LRRC20: variants seen among roughly 807,000 people sequenced by gnomAD.
The protein encoded by LRRC20 is leucine rich repeat containing 20.
Under a neutral mutation model 14.4 loss-of-function variants are expected in LRRC20, and 11 were observed. The ratio of observed to expected loss-of-function variants is 0.77; its 90% CI spans 0.48 to 1.27. LRRC20 has a LOEUF of 1.27. Ranked by LOEUF, LRRC20 falls within the 50% of genes most tolerant of loss-of-function variation. The probability of loss-of-function intolerance (pLI) is 0.00; values close to 1 mark genes in which losing one functional copy is unlikely to be tolerated. For synonymous variants in LRRC20, 121 were observed against 107.3 expected (o/e 1.13, Z -0.79); for missense variants, 219 against 251.2 (o/e 0.87, Z 0.87).
At chr10:70,367,616 A>T (rs1432677812) in intron 2 of LRRC20, among the ~76,000 whole-genome samples, 1 of 152,168 alleles carries the variant, frequency 6.6e-6, no homozygotes, top group Non-Finnish European at 1.5e-5. Flanking sequence ...TATTTACTCT[A>T]TCATTCCATT....
rs144905371 is a variant in LRRC20 at position 70,306,841 on chromosome 10, T to C, written c.401-5333A>G. ...TGATGGCTGCAAAATGATTTCCTAA[T>C]GTCAACAGTCCTCAGTATTCTACTT... On this transcript the variant is annotated intron_variant, in intron 4 of 4. Coordinates refer to ENST00000446961, the MANE Select transcript of LRRC20 (RefSeq NM_001278212.2). Among the ~76,000 whole-genome samples the C allele has an allele frequency of 2.3e-3, 353 of 152,368 alleles. 1 individual carries two copies. The highest frequency in any genetic ancestry group is 4.1e-3 in the South Asian group (20 of 4,830).
At chr10:70,356,855 C>G (rs999935254) in intron 2 of LRRC20, among the ~76,000 whole-genome samples, 9 of 151,218 alleles carry the variant, frequency 6.0e-5, no homozygotes, top group Admixed American at 5.9e-4. Context: ...CACCTCAAAA[C>G]AAAACAAAAC....
intron 1 of LRRC20, among the ~76,000 whole-genome samples, chr10:70,378,769 C>T (rs1015072711): frequency 3.9e-5 from 3 of 76,326 alleles, no homozygotes; most frequent in Non-Finnish European, 7.5e-5. Flanking sequence ...GTGAACCTCG[C>T]GCTCAAAAAA....
At chr10:70,345,342 A>C (rs1394629323) in intron 2 of LRRC20, among the ~76,000 whole-genome samples, 1 of 152,194 alleles carries the variant, frequency 6.6e-6, no homozygotes, top group East Asian at 1.9e-4. Flanking sequence ...TTACACGTTA[A>C]ATATTTTTAA....
chr10:70,335,935 A>G (rs553825480), intron 3 of LRRC20, among the ~76,000 whole-genome samples: 5 of 152,274 alleles, frequency 3.3e-5, no homozygotes, highest in Admixed American at 6.5e-5. Flanking sequence ...CTGACTTCCA[A>G]CACCTGGACA....
At chr10:70,356,571 T>G (rs561062583) in intron 2 of LRRC20, among the ~76,000 whole-genome samples, 1 of 151,038 alleles carries the variant, frequency 6.6e-6, no homozygotes, top group South Asian at 2.1e-4. Context: ...CTGTATGTAG[T>G]GCTGGGCAGA....
chr10:70,374,286 C>T (rs866075244), intron 2 of LRRC20, among the ~76,000 whole-genome samples: 6 of 152,006 alleles, frequency 3.9e-5, no homozygotes, highest in East Asian at 1.9e-4. Flanking sequence ...CCCTCCCCTG[C>T]GGCCTCTCCA....
intron 2 of LRRC20, among the ~76,000 whole-genome samples, chr10:70,342,668 T>C (rs545390458): frequency 4.9e-4 from 75 of 152,304 alleles, no homozygotes; most frequent in African/African-American, 1.7e-3. Context: ...GCCTAGAAGA[T>C]ACTTAGCAGG....
chr10:70,310,697 C>A (rs1841619380), intron 4 of LRRC20, among the ~76,000 whole-genome samples: 1 of 152,194 alleles, frequency 6.6e-6, no homozygotes. Context: ...GCTGAGACCA[C>A]CCTGAGCTGG....
chr10:70,381,032 C>T (rs1292064200), intron 1 of LRRC20, among the ~76,000 whole-genome samples: 1 of 152,160 alleles, frequency 6.6e-6, no homozygotes, highest in Non-Finnish European at 1.5e-5. Context: ...CAATGGGCTC[C>T]CAGATTACTG....
intron 3 of LRRC20, 120 bp from the exon 4 acceptor site, chr10:70,324,150 GC>G (rs1842221476): frequency 4.7e-6 from 4 of 849,390 alleles, no homozygotes; most frequent in Non-Finnish European, 7.5e-6. Context: ...GAAGCCCTAG[GC>G]CACAGAGGGA....
Position 70,323,781 on chromosome 10 carries a change from C to G in LRRC20, c.400+82G>C, listed in dbSNP as rs750104073. The G allele has an allele frequency of 7.6e-5, 112 of 1,479,162 alleles. 5 individuals are homozygous for G. In the South Asian group the frequency reaches 1.3e-3, roughly 17 times the overall value. 91.6% of individuals were successfully genotyped at this position (1,479,162 alleles called of 1,614,324 possible). ...AGAAAGCCCAAGCTTCTCCTCCCAC[C>G]TGTGAAGGTCGACTCCAGAGTCCTG... On this transcript the variant is annotated intron_variant, in intron 4 of 4. Transcript: ENST00000446961.
chr10:70,356,754 G>C (rs1436408561), intron 2 of LRRC20, among the ~76,000 whole-genome samples: 1 of 151,686 alleles, frequency 6.6e-6, no homozygotes, highest in Non-Finnish European at 1.5e-5. Context: ...AGGAGGCTGA[G>C]GCAGAAGAAT....
chr10:70,332,377 C>G (rs1250217007), intron 3 of LRRC20, among the ~76,000 whole-genome samples: 1 of 152,258 alleles, frequency 6.6e-6, no homozygotes, highest in Non-Finnish European at 1.5e-5. Context: ...GGTGCAGTGG[C>G]TCACGCCTGT....
At chr10:70,367,921 T>C (rs1364947886) in intron 2 of LRRC20, among the ~76,000 whole-genome samples, 1 of 151,710 alleles carries the variant, frequency 6.6e-6, no homozygotes, top group Non-Finnish European at 1.5e-5. Flanking sequence ...TCACAGATTC[T>C]ATTTTCACAG....
At chr10:70,306,457 T>TTC (rs1218033221) in intron 4 of LRRC20, among the ~76,000 whole-genome samples, 5 of 152,162 alleles carry the variant, frequency 3.3e-5, no homozygotes, top group African/African-American at 1.2e-4. Flanking sequence ...CACTGCCCCC[T>TTC]TCCCTTTTTA....
intron 2 of LRRC20, among the ~76,000 whole-genome samples, chr10:70,344,638 C>T (rs994441841): frequency 1.3e-5 from 2 of 152,212 alleles, no homozygotes; most frequent in Non-Finnish European, 2.9e-5. Context: ...ACGATCTCGG[C>T]TCACTGCAGC....
At chr10:70,329,754 G>A (rs1313286686) in intron 3 of LRRC20, among the ~76,000 whole-genome samples, 4 of 152,060 alleles carry the variant, frequency 2.6e-5, no homozygotes, top group East Asian at 3.9e-4. Flanking sequence ...TACTAGAGAC[G>A]GGGTTTCCCC....
At chr10:70,309,111 G>A (rs1841540538) in intron 4 of LRRC20, among the ~76,000 whole-genome samples, 5 of 152,170 alleles carry the variant, frequency 3.3e-5, no homozygotes, top group Middle Eastern at 3.2e-3. Context: ...AGCCAGCAGC[G>A]TGGGCAGGGG....
Sources: gnomAD v4.1 joint callset for allele counts (sites outside exome capture counted in the v4.1 genomes callset) on GRCh38, gnomAD v4.1.1 for gene constraint, MANE v1.5 for transcripts, NCBI Gene and HGNC (gene_info 2026-07-23, HGNC 2026-07-21) for gene names.